The following ERGIC1 variants were observed in gnomAD, a reference collection of about 807,000 sequenced individuals.
ERGIC1 encodes the protein endoplasmic reticulum-golgi intermediate compartment 1, also known as endoplasmic reticulum-Golgi intermediate compartment protein 1.
A neutral mutation model predicts 38.3 loss-of-function variants in ERGIC1; 19 were observed. The ratio of observed to expected loss-of-function variants is 0.50; its 90% CI spans 0.35 to 0.73. The LOEUF (loss-of-function observed/expected upper bound fraction) is 0.73, where lower values mean the gene tolerates loss of function less well. Among genes scored for constraint, ERGIC1 ranks in the 30% least tolerant of loss-of-function variants. ERGIC1 has a pLI of 0.01. For missense variants in ERGIC1, 294 were observed against 389.2 expected (o/e 0.76, Z 2.06); for synonymous variants, 124 against 157.6 (o/e 0.79, Z 1.60).
chr5:172,858,678 G>A (rs1259493282), intron 1 of ERGIC1, among the ~76,000 whole-genome samples: 2 of 152,178 alleles, frequency 1.3e-5, no homozygotes, highest in African/African-American at 4.8e-5. Flanking sequence ...GTTAGCATAG[G>A]CCCTACTGCG....
chr5:172,836,251 G>A (rs1003753199), intron 1 of ERGIC1, among the ~76,000 whole-genome samples: 1 of 152,178 alleles, frequency 6.6e-6, no homozygotes, highest in African/African-American at 2.4e-5. Flanking sequence ...GCTTGTGGGG[G>A]CAGGTAAGGG....
chr5:172,864,986 A>G (rs1761816703), intron 1 of ERGIC1, among the ~76,000 whole-genome samples: 1 of 151,628 alleles, frequency 6.6e-6, no homozygotes, highest in Admixed American at 6.6e-5. Context: ...GCCTTGCTCA[A>G]CGCTCTTCCC....
chr5:172,898,919 C>T (rs1762800459), intron 3 of ERGIC1, among the ~76,000 whole-genome samples: 1 of 152,100 alleles, frequency 6.6e-6, no homozygotes, highest in Non-Finnish European at 1.5e-5. Flanking sequence ...AATCAGAGCT[C>T]GAAGCAGGGA....
chr5:172,879,380 A>G (rs941500587), intron 1 of ERGIC1, among the ~76,000 whole-genome samples: 1 of 152,132 alleles, frequency 6.6e-6, no homozygotes, highest in Non-Finnish European at 1.5e-5. Flanking sequence ...CTATGTTCTC[A>G]TTGACTTTTA....
chr5:172,906,030 G>C (rs1450061540), intron 3 of ERGIC1: 1 of 456,016 alleles, frequency 2.2e-6, no homozygotes, highest in South Asian at 1.5e-5. Context: ...ACCTTCCCCA[G>C]CTAGGGTTAG....
At chr5:172,938,183 C>T (rs1321133567) in intron 9 of ERGIC1, among the ~76,000 whole-genome samples, 2 of 152,104 alleles carry the variant, frequency 1.3e-5, no homozygotes, top group African/African-American at 2.4e-5. Flanking sequence ...CCCAAGACCC[C>T]GCAGGGTAGC....
chr5:172,890,799 G>A (rs1309237201), intron 2 of ERGIC1, among the ~76,000 whole-genome samples: 1 of 152,144 alleles, frequency 6.6e-6, no homozygotes, highest in African/African-American at 2.4e-5. Flanking sequence ...CCTGCTGCCT[G>A]AGCAGGGTCC....
At chr5:172,947,434 A>C (rs1480340219) in intron 9 of ERGIC1, among the ~76,000 whole-genome samples, 7 of 152,154 alleles carry the variant, frequency 4.6e-5, no homozygotes, top group African/African-American at 1.7e-4. Context: ...CATCTCCCGA[A>C]GTGCTGAGAT....
At chr5:172,893,905 A>AGATATATGTGTGTGTGTGTG (rs1762638276) in intron 2 of ERGIC1, among the ~76,000 whole-genome samples, 1 of 15,520 alleles carries the variant, frequency 6.4e-5, no homozygotes, top group Non-Finnish European at 2.1e-4. Flanking sequence ...ATATATATAT[A>AGATATATGTGTGTGTGTGTG]TGTGTGTGTG....
intron 1 of ERGIC1, among the ~76,000 whole-genome samples, chr5:172,859,191 T>A (rs1761633416): frequency 6.6e-6 from 1 of 152,156 alleles, no homozygotes; most frequent in Non-Finnish European, 1.5e-5. Flanking sequence ...ATTTTTCCTC[T>A]ATGATTTTTC....
chr5:172,900,730 AAC>A (rs975531493), intron 3 of ERGIC1, among the ~76,000 whole-genome samples: 3 of 151,866 alleles, frequency 2.0e-5, no homozygotes, highest in African/African-American at 7.3e-5. Flanking sequence ...AACAAAAAAA[AAC>A]ATGAGGACAT....
At chr5:172,856,468 A>G (rs542336414) in intron 1 of ERGIC1, among the ~76,000 whole-genome samples, 1 of 152,294 alleles carries the variant, frequency 6.6e-6, no homozygotes, top group East Asian at 1.9e-4. Context: ...GAGTGAAGTC[A>G]GTAGAGGTGA....
At chr5:172,875,433 T>C (rs1762120448) in intron 1 of ERGIC1, among the ~76,000 whole-genome samples, 1 of 152,144 alleles carries the variant, frequency 6.6e-6, no homozygotes. Flanking sequence ...GTGTGACCCT[T>C]TGATTATAAA....
chr5:172,910,395 G>A (rs1763175476), intron 4 of ERGIC1, among the ~76,000 whole-genome samples: 1 of 152,226 alleles, frequency 6.6e-6, no homozygotes, highest in South Asian at 2.1e-4. Context: ...AGAGAAGCTG[G>A]AGCGGTCCAC....
intron 1 of ERGIC1, among the ~76,000 whole-genome samples, chr5:172,843,876 A>T (rs138938324): frequency 2.9e-3 from 446 of 152,314 alleles, no homozygotes; most frequent in Admixed American, 4.5e-3. Flanking sequence ...TGGGGTGCTC[A>T]TACTTTCTTT....
At chr5:172,950,285 G>A (rs1764204896) in intron 9 of ERGIC1, among the ~76,000 whole-genome samples, 3 of 152,188 alleles carry the variant, frequency 2.0e-5, no homozygotes, top group Non-Finnish European at 2.9e-5. Context: ...AAATGGGATT[G>A]TAAATATGTG....
At chr5:172,871,286 C>T (rs976049192) in intron 1 of ERGIC1, among the ~76,000 whole-genome samples, 4 of 152,182 alleles carry the variant, frequency 2.6e-5, no homozygotes, top group Admixed American at 6.5e-5. Flanking sequence ...GTATCAGCCT[C>T]GCTGCTGTTC....
In ERGIC1 at chr5:172,926,389, C is replaced by T. The variant is rs1381796106; in HGVS notation, c.481-120C>T. 24 of 1,052,730 alleles carry T rather than the reference C, an allele frequency of 2.3e-5. No individual in the cohort carries two copies. Among genetic ancestry groups the T allele is most frequent in the Non-Finnish European group, 8.7e-6 (6 of 693,490 alleles). The allele number at this position is 1,052,730 out of a possible 1,614,324, so 65.2% of individuals were successfully genotyped here. A position where few individuals can be genotyped will look rare whatever the true frequency, so the allele number is the denominator to read the frequency against. The stretch of plus-strand genomic sequence containing the variant: ...TGCTCCCCACAAATCCGCTGGAGCC[C>T]CCTTTTACACATTGGTAGGGTTCCT... On this transcript the variant is annotated intron_variant, in intron 6 of 9. Coordinates refer to ENST00000393784, the MANE Select transcript of ERGIC1 (RefSeq NM_001031711.3). This position sits in a 1 kb window ranked among gnomAD's most constrained non-coding sequence, Gnocchi z 5.2.
intron 1 of ERGIC1, among the ~76,000 whole-genome samples, chr5:172,853,483 C>G (rs1234260651): frequency 1.3e-5 from 2 of 152,312 alleles, no homozygotes; most frequent in South Asian, 2.1e-4. Flanking sequence ...GCCTCGATCC[C>G]CACAGCAGCC....
Sources: allele counts gnomAD v4.1 joint callset (sites outside exome capture counted in the v4.1 genomes callset), GRCh38; gene constraint gnomAD v4.1.1; non-coding constraint Gnocchi (gnomAD v3.1); transcripts MANE v1.5; gene names NCBI Gene and HGNC (gene_info 2026-07-23, HGNC 2026-07-21).